UNC119: variants seen among roughly 807,000 people sequenced by gnomAD.
UNC119 encodes protein unc-119 homolog A.
In UNC119, 15 loss-of-function variants were observed where a neutral mutation model predicts 22.6. The ratio of observed to expected loss-of-function variants is 0.66; its 90% CI spans 0.44 to 1.02. The LOEUF (loss-of-function observed/expected upper bound fraction) is 1.02. Among genes scored for constraint, UNC119 ranks in the 50% least tolerant of loss-of-function variants. The pLI is 0.00. For missense variants in UNC119, 322 were observed against 336.0 expected (o/e 0.96, Z 0.33); for synonymous variants, 138 against 139.4 (o/e 0.99, Z 0.07).
At chr17:28,547,920 C>T (rs1043597294) in intron 3 of UNC119, 71 bp from the exon 4 acceptor site, 27 of 1,612,834 alleles carry the variant, frequency 1.7e-5, no homozygotes, top group Non-Finnish European at 2.3e-5. Flanking sequence ...CAGGACAGGC[C>T]ACCCCTACGA....
chr17:28,548,782 AGT>A, intron 1 of UNC119, 77 bp from the exon 2 acceptor site: 2 of 1,124,644 alleles, frequency 1.8e-6, no homozygotes, highest in Non-Finnish European at 2.7e-6. Flanking sequence ...GGGACCCCAG[AGT>A]AGCTACCATC....
At position 28,552,571 on chromosome 17, in the gene UNC119, C is replaced by T; in HGVS notation, c.-14G>A. 3 of 1,496,750 alleles carry T rather than the reference C, an allele frequency of 2.0e-6. No individual in the cohort carries two copies. Among genetic ancestry groups the T allele is most frequent in the Middle Eastern group, 2.1e-4 (1 of 4,678 alleles). 92.7% of individuals were successfully genotyped at this position (1,496,750 alleles called of 1,614,324 possible). ...CTTCACCTTCATGGCCTTGCGGGGC[C>T]GAGGCTCGCCTGCTGCTGCCGCCGC... On this transcript the variant is annotated 5_prime_UTR_variant, in exon 1 of 5. Transcript: ENST00000335765.
Position 28,547,661 on chromosome 17 carries a change from G to A in UNC119, c.610+16C>T. On this transcript the variant is annotated intron_variant, in intron 4 of 4. Transcript: ENST00000335765. Reference sequence around the variant, plus strand: ...CGCCCCCACTTCCCCACTCCCAGAAGACCCTGCCCGCGCACTCAGCTCCTC... The same window carrying A: ...CGCCCCCACTTCCCCACTCCCAGAAAACCCTGCCCGCGCACTCAGCTCCTC... 6.2e-7 allele frequency: 1 copy of A among 1,614,182 alleles called. No homozygotes were observed. Among genetic ancestry groups the A allele is most frequent in the East Asian group, 2.2e-5 (1 of 44,878 alleles).
chr17:28,548,529 C>T (rs2070236717), intron 2 of UNC119, 63 bp downstream of exon 2: 1 of 1,407,858 alleles, frequency 7.1e-7, no homozygotes, highest in Admixed American at 1.7e-5. Context: ...CAAGGATTCC[C>T]TGGGCAGCCC....
chr17:28,552,405 C>G lies in UNC119; in HGVS notation c.153G>C (p.Pro51=). ...TCGGCTGCTTCCTCTGCAGCGGCCCCGGCCTGGGCCCTGGGCCTGCGTCCG... is the reference window on the plus strand; with the variant it reads ...TCGGCTGCTTCCTCTGCAGCGGCCCGGGCCTGGGCCCTGGGCCTGCGTCCG... The part of the protein sequence containing the change: ...SEPDAGPGPR[P]GPLQRKQPIG... The change falls in exon 1 of 5, where the codon CCG becomes CCC. Residue 51 remains proline, a synonymous_variant. Transcript: ENST00000335765. 3 of 1,553,902 alleles carry G rather than the reference C, an allele frequency of 1.9e-6. No homozygotes were observed. Among genetic ancestry groups the G allele is most frequent in the Non-Finnish European group, 2.6e-6 (3 of 1,157,696 alleles).
Position 28,547,145 on chromosome 17 carries a change from CACCAGGTACCCT to C in UNC119, c.*140_*151del. The C allele has an allele frequency of 1.1e-6, 1 of 940,152 alleles. No homozygotes were observed. The allele number at this position is 940,152 out of a possible 1,614,324, so 58.2% of individuals were successfully genotyped here. ...TGGGCTTCATGGGCTTGACTGGGGA[CACCAGGTACCCT>C]TCCTCCCAACATTGACTCAGGGTCC... On this transcript the variant is annotated 3_prime_UTR_variant, in exon 5 of 5. Transcript: ENST00000335765.
Position 28,547,196 on chromosome 17 carries a change from A to T in UNC119, c.*101T>A. 1 of 1,419,200 alleles carries T rather than the reference A, an allele frequency of 7.0e-7. No individual in the cohort carries two copies. The highest frequency in any genetic ancestry group is 9.8e-7 in the Non-Finnish European group (1 of 1,023,818). The allele number at this position is 1,419,200 out of a possible 1,614,324, so 87.9% of individuals were successfully genotyped here. ...GACTCAGGGTCCGGAGCTCCTGGAG[A>T]ACTCCCCAAGCAGAGGACTTGGGGT... On this transcript the variant is annotated 3_prime_UTR_variant, in exon 5 of 5. Transcript: ENST00000335765.
intron 1 of UNC119, chr17:28,549,776 C>T (rs1324813631): frequency 6.6e-6 from 1 of 152,192 alleles, no homozygotes; most frequent in Non-Finnish European, 1.5e-5. Flanking sequence ...AGCTACAGGG[C>T]CTGATCTAAC....
rs1052940381 is a variant in UNC119 at position 28,552,621 on chromosome 17, G to T, written c.-64C>A. 5.7e-6 allele frequency: 8 copies of T among 1,406,314 alleles called. No homozygotes were observed. Among genetic ancestry groups the T allele is most frequent in the African/African-American group, 3.0e-5 (2 of 66,202 alleles). 87.1% of individuals were successfully genotyped at this position (1,406,314 alleles called of 1,614,324 possible). On this transcript the variant is annotated 5_prime_UTR_variant, in exon 1 of 5. Transcript: ENST00000335765. ...CTGCCTGCGCCGGCTGGAGCCGGGG[G>T]AAGTGGGAGCATCCGCAGCCCCGCC...
At position 28,547,306 on chromosome 17, in the gene UNC119, C is replaced by T. The variant is rs560621161; in HGVS notation, c.714G>A (p.Gly238=). ...MHNKADYSYS[G]TP is the part of the protein sequence containing the mutation. ...CAGGGCAGCCGTGGGGTCAGGGTGT[C>T]CCGCTGTAGGAATAGTCTGCTTTAT... The change falls in exon 5 of 5, where the codon GGG becomes GGA. Residue 238 remains glycine (G), a synonymous_variant. Transcript: ENST00000335765. The T allele has an allele frequency of 4.3e-6, 7 of 1,614,128 alleles. No individual in the cohort carries two copies. Among genetic ancestry groups the T allele is most frequent in the African/African-American group, 4.0e-5 (3 of 75,040 alleles).
Position 28,547,123 on chromosome 17 carries a change from G to A in UNC119, c.*174C>T. ...CCACCCCATGTAGCAGGCCGCATGGGCTTCATGGGCTTGACTGGGGACACC... is the reference window on the plus strand; with the variant it reads ...CCACCCCATGTAGCAGGCCGCATGGACTTCATGGGCTTGACTGGGGACACC... On this transcript the variant is annotated 3_prime_UTR_variant, in exon 5 of 5. Transcript: ENST00000335765. 1.3e-6 allele frequency: 1 copy of A among 777,978 alleles called. No individual in the cohort carries two copies. Among genetic ancestry groups the A allele is most frequent in the Non-Finnish European group, 2.1e-6 (1 of 471,938 alleles). 48.2% of individuals were successfully genotyped at this position (777,978 alleles called of 1,614,324 possible).
chr17:28,552,466 G>T lies in UNC119; in HGVS notation c.92C>A (p.Pro31Gln). The change falls in exon 1 of 5, where the codon CCG becomes CAG. Residue 31 changes from proline to glutamine, a missense_variant. Transcript: ENST00000335765. Reference sequence around the variant, plus strand: ...GGACCCAGATTCGGATTCCGCAGGCGGCTGTGGTATGGGGGCCACGCTCTG... The same window carrying T: ...GGACCCAGATTCGGATTCCGCAGGCTGCTGTGGTATGGGGGCCACGCTCTG... ...SGQSVAPIPQPPAESESGSES... is the reference protein window; with the variant it reads ...SGQSVAPIPQQPAESESGSES... 6.3e-7 allele frequency: 1 copy of T among 1,579,258 alleles called. No individual in the cohort carries two copies. The highest frequency in any genetic ancestry group is 8.5e-7 in the Non-Finnish European group (1 of 1,171,212).
In UNC119 at chr17:28,552,575, G is replaced by A. The variant is rs2070288957; in HGVS notation, c.-18C>T. ...ACCTTCATGGCCTTGCGGGGCCGAG[G>A]CTCGCCTGCTGCTGCCGCCGCTGCC... On this transcript the variant is annotated 5_prime_UTR_variant, in exon 1 of 5. Coordinates refer to ENST00000335765, the MANE Select transcript of UNC119 (RefSeq NM_005148.4). The A allele has an allele frequency of 2.7e-6, 4 of 1,493,348 alleles. No individual in the cohort carries two copies. The Admixed American group carries it at 8.9e-5, about 33-fold the overall frequency. 92.5% of individuals were successfully genotyped at this position (1,493,348 alleles called of 1,614,324 possible).
Position 28,552,594 on chromosome 17 carries a change from C to A in UNC119, c.-37G>T, listed in dbSNP as rs1051741643. The A allele has an allele frequency of 2.0e-6, 3 of 1,474,464 alleles. No individual in the cohort carries two copies. Among genetic ancestry groups the A allele is most frequent in the East Asian group, 2.9e-5 (1 of 34,754 alleles). 91.3% of individuals were successfully genotyped at this position (1,474,464 alleles called of 1,614,324 possible). A position where few individuals can be genotyped will look rare whatever the true frequency, so the allele number is the denominator to read the frequency against. On this transcript the variant is annotated 5_prime_UTR_variant, in exon 1 of 5. Coordinates refer to ENST00000335765, the MANE Select transcript of UNC119 (RefSeq NM_005148.4). The stretch of plus-strand genomic sequence containing the variant: ...GCCGAGGCTCGCCTGCTGCTGCCGC[C>A]GCTGCCTGCGCCGGCTGGAGCCGGG...
chr17:28,548,831 GACCT>G, intron 1 of UNC119, 126 bp from the exon 2 acceptor site: 4 of 727,268 alleles, frequency 5.5e-6, no homozygotes, highest in Non-Finnish European at 9.4e-6. Context: ...TGGAAAGAGG[GACCT>G]CAGTCCCTGC....
chr17:28,551,905 G>A (rs573152740), intron 1 of UNC119: 62 of 329,102 alleles, frequency 1.9e-4, no homozygotes, highest in African/African-American at 1.4e-3. Flanking sequence ...TGAAGAGTCT[G>A]AATGCCTCCC....
At chr17:28,549,690 G>A (rs1439775442) in intron 1 of UNC119, 1 of 153,182 alleles carries the variant, frequency 6.5e-6, no homozygotes, top group Non-Finnish European at 1.5e-5. Flanking sequence ...AGTGGGTGTG[G>A]AAGGGGTAAG....
At chr17:28,548,162 T>C in intron 2 of UNC119, 61 bp from the exon 3 acceptor site, 1 of 1,507,282 alleles carries the variant, frequency 6.6e-7, no homozygotes. Flanking sequence ...CCACCCAGGG[T>C]TCTACCCTTG....
intron 1 of UNC119, chr17:28,550,338 C>G (rs765419134): frequency 1.3e-5 from 2 of 152,298 alleles, no homozygotes; most frequent in East Asian, 1.9e-4. Flanking sequence ...CTCCCATTCT[C>G]CAACTTTTGG....
Sources: gnomAD v4.1 joint callset for allele counts on GRCh38, gnomAD v4.1.1 for gene constraint, MANE v1.5 for transcripts, NCBI Gene and HGNC (gene_info 2026-07-23, HGNC 2026-07-21) for gene names.